The following UPK1B variants were observed in gnomAD, a reference collection of about 807,000 sequenced individuals.
The protein encoded by UPK1B is uroplakin-1b.
In UPK1B, 28 loss-of-function variants were observed where a neutral mutation model predicts 34.2. The observed-to-expected ratio is 0.82, with a 90% CI of 0.61 to 1.12. The LOEUF is 1.12. Ranked by LOEUF, UPK1B falls within the 50% of genes most tolerant of loss-of-function variation. The pLI, the probability that UPK1B is intolerant of heterozygous loss-of-function variation, is 0.00. For missense variants in UPK1B, 325 were observed against 320.9 expected (o/e 1.01, Z -0.10); for synonymous variants, 81 against 110.4 (o/e 0.73, Z 1.67).
intron 4 of UPK1B, 94 bp downstream of exon 4, chr3:119,190,413 A>G (rs1043202117): frequency 7.1e-6 from 6 of 850,322 alleles, no homozygotes; most frequent in Non-Finnish European, 1.2e-5. Flanking sequence ...AGGCAATCCA[A>G]TATGCACAGT....
intron 4 of UPK1B, among the ~76,000 whole-genome samples, chr3:119,190,748 C>T (rs556917419): frequency 1.3e-5 from 2 of 152,196 alleles, no homozygotes; most frequent in Non-Finnish European, 2.9e-5. Flanking sequence ...TAGCCTAAGC[C>T]ACCCTACAGT....
intron 6 of UPK1B, among the ~76,000 whole-genome samples, chr3:119,198,594 C>G (rs1033566552): frequency 3.9e-5 from 6 of 152,174 alleles, no homozygotes; most frequent in African/African-American, 1.4e-4. Flanking sequence ...TGCAGGAGTT[C>G]CTTTAATGAT....
At chr3:119,190,372 C>G in intron 4 of UPK1B, 53 bp downstream of exon 4, 1 of 1,400,292 alleles carries the variant, frequency 7.1e-7, no homozygotes, top group Non-Finnish European at 1.0e-6. Context: ...ATTATAACAA[C>G]CAACATGTAT....
chr3:119,190,830 A>C (rs1345656737), intron 4 of UPK1B, 152 bp from the exon 5 acceptor site: 2 of 1,098,360 alleles, frequency 1.8e-6, no homozygotes, highest in African/African-American at 1.6e-5. Context: ...ACTTATGCCA[A>C]CCTCAGCCAG....
chr3:119,191,140 C>T (rs3796357), intron 5 of UPK1B, 36 bp downstream of exon 5: 1,534,619 of 1,610,488 alleles, frequency 0.95, 732,512 homozygotes, highest in Non-Finnish European at 0.97. Flanking sequence ...GCCATTTTTA[C>T]TTACTGGTGG....
At chr3:119,187,724 C>A (rs745518201) in intron 2 of UPK1B, 51 bp from the exon 3 acceptor site, 27 of 1,584,440 alleles carry the variant, frequency 1.7e-5, no homozygotes, top group African/African-American at 2.7e-5. Context: ...CCCTCCACCC[C>A]CTTTCCCAAA....
chr3:119,187,722 C>T (rs1411895609), intron 2 of UPK1B, 53 bp from the exon 3 acceptor site: 4 of 1,573,448 alleles, frequency 2.5e-6, no homozygotes, highest in African/African-American at 2.7e-5. Context: ...CACCCTCCAC[C>T]CCCTTTCCCA....
At chr3:119,199,189 G>C in intron 7 of UPK1B, 49 bp downstream of exon 7, 1 of 1,598,184 alleles carries the variant, frequency 6.3e-7, no homozygotes, top group Non-Finnish European at 8.6e-7. Context: ...ATCATACGGA[G>C]AGACCTTGAG....
intron 1 of UPK1B, among the ~76,000 whole-genome samples, chr3:119,182,900 T>C (rs2077995614): frequency 6.6e-6 from 1 of 152,242 alleles, no homozygotes; most frequent in Non-Finnish European, 1.5e-5. Context: ...CTGTAGATTT[T>C]TGATACATCC....
chr3:119,201,429 G>A (rs1041639061), intron 7 of UPK1B, among the ~76,000 whole-genome samples: 4 of 152,340 alleles, frequency 2.6e-5, no homozygotes, highest in African/African-American at 9.6e-5. Flanking sequence ...TTACATGACG[G>A]CAGGCAACAC....
Position 119,202,772 on chromosome 3 carries a change from T to C in UPK1B, c.733-1145T>C, listed in dbSNP as rs184872872. Among the ~76,000 whole-genome samples, 347 of 152,128 alleles carry C rather than the reference T, an allele frequency of 2.3e-3. 1 individual carries two copies. The highest frequency in any genetic ancestry group is 7.9e-3 in the African/African-American group (329 of 41,498). ...AAAAATAGAAGTTCCCTGGGAGAAG[T>C]TTAATACTAGAAGCAAGGAATGCTT... On this transcript the variant is annotated intron_variant, in intron 7 of 7. Transcript: ENST00000264234.
chr3:119,186,089 G>A (rs949137322), intron 1 of UPK1B, among the ~76,000 whole-genome samples: 13 of 152,266 alleles, frequency 8.5e-5, no homozygotes, highest in Middle Eastern at 3.4e-3. Context: ...TTTTGCTACC[G>A]AACTGGGTTA....
intron 4 of UPK1B, among the ~76,000 whole-genome samples, chr3:119,190,526 A>G (rs1165648003): frequency 6.6e-6 from 1 of 152,222 alleles, no homozygotes; most frequent in Non-Finnish European, 1.5e-5. Context: ...GAAAGGTAAA[A>G]TGACTTGTCT....
At chr3:119,178,337 G>A (rs936932999) in intron 1 of UPK1B, among the ~76,000 whole-genome samples, 2 of 152,220 alleles carry the variant, frequency 1.3e-5, no homozygotes, top group African/African-American at 4.8e-5. Context: ...GACAAGTGAT[G>A]AACCTGGCAA....
rs1434401645 is a variant in UPK1B at position 119,203,972 on chromosome 3, A to T, written c.*5A>T. On this transcript the variant is annotated 3_prime_UTR_variant, in exon 8 of 8. Coordinates refer to ENST00000264234, the MANE Select transcript of UPK1B (RefSeq NM_006952.4). The stretch of plus-strand genomic sequence containing the variant: ...TGGAGCAGAATTGAATATTAAGCAT[A>T]AAGTGTTGCCACCATACCTCCTTCC... 2 of 1,613,870 alleles carry T rather than the reference A, an allele frequency of 1.2e-6. No homozygotes were observed. The highest frequency in any genetic ancestry group is 1.7e-6 in the Non-Finnish European group (2 of 1,179,966).
In UPK1B at chr3:119,187,802, T is replaced by G. The variant is rs754492389; in HGVS notation, c.97T>G (p.Cys33Gly). Reference protein sequence around the residue: ...GCCGIALTAECIFFVSDQHSL... With the variant: ...GCCGIALTAEGIFFVSDQHSL... The stretch of plus-strand genomic sequence containing the variant: ...TTGCGGCATTGCCCTGACTGCGGAG[T>G]GCATCTTCTTTGTATCTGACCAACA... The change falls in exon 3 of 8, where the codon TGC (cysteine) becomes GGC (glycine). Residue 33 changes from cysteine (C) to glycine (G), a missense_variant. Physicochemically the swap from Cys to Gly is radical, Grantham distance 159. Transcript: ENST00000264234. 8.7e-6 allele frequency: 14 copies of G among 1,612,328 alleles called. No homozygotes were observed. The East Asian group carries it at 1.3e-4, about 15-fold the overall frequency.
intron 1 of UPK1B, among the ~76,000 whole-genome samples, chr3:119,183,096 T>C (rs969402367): frequency 1.3e-5 from 2 of 152,184 alleles, no homozygotes; most frequent in Non-Finnish European, 2.9e-5. Context: ...TTCTCTCCAC[T>C]CCAGGTGTTT....
chr3:119,194,035 T>C (rs1215633911), intron 5 of UPK1B, among the ~76,000 whole-genome samples, 184 bp from the exon 6 acceptor site: 2 of 152,210 alleles, frequency 1.3e-5, no homozygotes, highest in African/African-American at 4.8e-5. Flanking sequence ...AAAAATTCTT[T>C]TACAAACTGT....
intron 3 of UPK1B, 86 bp from the exon 4 acceptor site, chr3:119,190,159 A>C (rs2107432721): frequency 9.5e-7 from 1 of 1,052,722 alleles, no homozygotes; most frequent in Non-Finnish European, 1.4e-6. Flanking sequence ...TTATATGATA[A>C]ATTTGCTGAA....
Sources: gnomAD v4.1 joint callset for allele counts (sites outside exome capture counted in the v4.1 genomes callset) on GRCh38, gnomAD v4.1.1 for gene constraint, MANE v1.5 for transcripts, NCBI Gene and HGNC (gene_info 2026-07-23, HGNC 2026-07-21) for gene names.